Variants in ACSM3 observed in about 807,000 individuals in gnomAD.
ACSM3 encodes acyl-coenzyme A synthetase ACSM3, mitochondrial.
ACSM3 carries 61 observed loss-of-function variants against 74.1 expected under a neutral mutation model. The ratio of observed to expected loss-of-function variants is 0.82; its 90% confidence interval spans 0.67 to 1.02. ACSM3 has a LOEUF of 1.02. ACSM3 is among the 50% of genes least tolerant of loss of function. The pLI is 0.00. For synonymous variants in ACSM3, 213 were observed against 241.5 expected, an observed-to-expected ratio of 0.88 and a Z score of 1.09; for missense variants, 660 against 697.0, an observed-to-expected ratio of 0.95 and a Z score of 0.60.
chr16:20,742,156 G>A (rs2079933044), intron 1 of ACSM3: 4 of 873,198 alleles, frequency 4.6e-6, no homozygotes, highest in Admixed American at 3.6e-5. Context: ...TCAATTGAAC[G>A]TGGACACAAT....
intron 1 of ACSM3, among the ~76,000 whole-genome samples, chr16:20,718,789 C>CAG: frequency 6.6e-6 from 1 of 152,158 alleles, no homozygotes; most frequent in African/African-American, 2.4e-5. Context: ...AAAAGAGAGA[C>CAG]TATCCTAAGT....
chr16:20,740,184 G>A (rs2079904777), intron 1 of ACSM3, among the ~76,000 whole-genome samples: 1 of 152,202 alleles, frequency 6.6e-6, no homozygotes, highest in African/African-American at 2.4e-5. Flanking sequence ...CTTGAGCCTA[G>A]GAATTTGACA....
intron 1 of ACSM3, among the ~76,000 whole-genome samples, chr16:20,745,800 C>G (rs2079955387): frequency 6.6e-6 from 1 of 152,138 alleles, no homozygotes; most frequent in Non-Finnish European, 1.5e-5. Context: ...GTTACTGTCC[C>G]TGAAGTTCTA....
intron 2 of ACSM3, among the ~76,000 whole-genome samples, chr16:20,771,631 A>G (rs1351890780): frequency 6.6e-6 from 1 of 152,026 alleles, no homozygotes; most frequent in East Asian, 1.9e-4. Context: ...TTATCCATTC[A>G]TCTCTTGATA....
intron 1 of ACSM3, among the ~76,000 whole-genome samples, chr16:20,700,152 C>A (rs1173147505): frequency 2.9e-4 from 44 of 152,168 alleles, no homozygotes; most frequent in Non-Finnish European, 7.3e-5. Flanking sequence ...AGCTAAATAT[C>A]CTACCAACCT....
chr16:20,715,419 C>T (rs1386088150), intron 1 of ACSM3, among the ~76,000 whole-genome samples: 1 of 152,150 alleles, frequency 6.6e-6, no homozygotes, highest in Non-Finnish European at 1.5e-5. Context: ...GCCTGGCCGA[C>T]ATGGTGAAAC....
At position 20,731,569 on chromosome 16, in the gene ACSM3, C is replaced by A. The variant is rs193002975; in HGVS notation, c.-189-18341C>A. 4.7e-3 allele frequency: 1,187 copies of A among 252,018 alleles called. 4 individuals are homozygous for A. The highest frequency in any genetic ancestry group is 5.6e-3 in the Non-Finnish European group (762 of 135,008). The allele number at this position is 252,018 out of a possible 1,614,324, so 15.6% of individuals were successfully genotyped here. ...AAGTACCTATGTTCAGCATTGGTTGCAGATCCTTGATGTGTCTGAAAAACA... is the reference window on the plus strand; with the variant it reads ...AAGTACCTATGTTCAGCATTGGTTGAAGATCCTTGATGTGTCTGAAAAACA... On this transcript the variant is annotated intron_variant, in intron 1 of 3. Transcript: ENST00000561584.
intron 1 of ACSM3, chr16:20,711,420 C>T (rs551582197): frequency 1.8e-5 from 13 of 731,964 alleles, no homozygotes; most frequent in Admixed American, 1.5e-4. Context: ...AATCTTCCAC[C>T]GTCCACAGAG....
chr16:20,691,404 G>GAACC (rs2079650565), intron 1 of ACSM3: 2 of 497,976 alleles, frequency 4.0e-6, no homozygotes, highest in Non-Finnish European at 7.0e-6. Flanking sequence ...CCCAGCTGAG[G>GAACC]AACCACATGG....
chr16:20,767,310 G>T lies in ACSM3; in HGVS notation c.-51-2674G>T, dbSNP rs1349595101. Among the ~76,000 whole-genome samples, 3 of 17,656 alleles carry T rather than the reference G, an allele frequency of 1.7e-4. 1 individual carries two copies. The highest frequency in any genetic ancestry group is 5.2e-4 in the Non-Finnish European group (3 of 5,824). 11.6% of individuals were successfully genotyped at this position (17,656 alleles called of 152,430 possible). ...AGGCGGGCGGATCACGAGGTCAGGA[G>T]ATCGAGACCATCCTGGCTAACACGG... On this transcript the variant is annotated intron_variant, in intron 1 of 13. Transcript: ENST00000289416.
At chr16:20,694,037 G>C (rs2079676929) in intron 1 of ACSM3, among the ~76,000 whole-genome samples, 1 of 152,164 alleles carries the variant, frequency 6.6e-6, no homozygotes, top group African/African-American at 2.4e-5. Context: ...ATTTGCCCTG[G>C]CATTCTTATA....
At chr16:20,796,824 T>C in intron 13 of ACSM3, 62 bp from the exon 14 acceptor site, 1 of 1,602,344 alleles carries the variant, frequency 6.2e-7, no homozygotes, top group Non-Finnish European at 8.5e-7. Flanking sequence ...AACTGCTATA[T>C]AATTGGCTTT....
At chr16:20,705,360 G>A (rs1258043125) in intron 1 of ACSM3, among the ~76,000 whole-genome samples, 7 of 139,224 alleles carry the variant, frequency 5.0e-5, no homozygotes, top group Non-Finnish European at 1.1e-4. Context: ...GCGACAGAGC[G>A]AGACTCCGTC....
chr16:20,679,592 T>C (rs1227968440), intron 1 of ACSM3: 2 of 152,228 alleles, frequency 1.3e-5, no homozygotes, highest in Non-Finnish European at 2.9e-5. Context: ...CATACACTAA[T>C]GTTGTTACCA....
At chr16:20,766,041 T>C (rs1045059736) in intron 1 of ACSM3, among the ~76,000 whole-genome samples, 1 of 152,216 alleles carries the variant, frequency 6.6e-6, no homozygotes, top group African/African-American at 2.4e-5. Flanking sequence ...AAGTGATTAA[T>C]AATTGTTGAA....
intron 1 of ACSM3, chr16:20,729,507 T>A: frequency 1.6e-6 from 1 of 613,650 alleles, no homozygotes; most frequent in East Asian, 2.9e-5. Context: ...CATCCAGCAG[T>A]TGTCAAATCA....
rs1393152932 is a variant in ACSM3, at chr16:20,791,526, G to A, written c.1327-476G>A. Among the ~76,000 whole-genome samples the A allele has an allele frequency of 2.0e-5, 3 of 152,174 alleles. No homozygotes were observed. In the East Asian group the frequency reaches 5.8e-4, roughly 29 times the overall value. On this transcript the variant is annotated intron_variant, in intron 10 of 13. Coordinates refer to ENST00000289416, the MANE Select transcript of ACSM3 (RefSeq NM_005622.4). ...AACTGTAGTTTACCTTTCTTCTGTC[G>A]GGCTAGCTCCATGCTGGAATTTCAT...
upstream of ACSM3, among the ~76,000 whole-genome samples, chr16:20,760,082 G>A (rs1374735325): frequency 6.6e-6 from 1 of 152,062 alleles, no homozygotes; most frequent in Admixed American, 6.5e-5. Context: ...CATTAACATT[G>A]AAACAGTGAT....
intron 9 of ACSM3, among the ~76,000 whole-genome samples, chr16:20,788,955 C>G (rs1467434838): frequency 6.6e-6 from 1 of 152,176 alleles, no homozygotes; most frequent in Non-Finnish European, 1.5e-5. Flanking sequence ...ACATAAGCCC[C>G]TTTCCTTTTG....
Sources: gnomAD v4.1 joint callset for allele counts (sites outside exome capture counted in the v4.1 genomes callset) on GRCh38, gnomAD v4.1.1 for gene constraint, MANE v1.5 for transcripts, NCBI Gene and HGNC (gene_info 2026-07-23, HGNC 2026-07-21) for gene names.